The following ABI3BP variants were observed in gnomAD, a reference collection of about 807,000 sequenced individuals.
ABI3BP encodes target of Nesh-SH3.
In ABI3BP, 216 loss-of-function variants were observed where a neutral mutation model predicts 268.6. That is an observed-to-expected ratio of 0.80 (90% CI 0.72 to 0.90). The LOEUF is 0.90. ABI3BP is among the 40% of genes least tolerant of loss of function. The pLI, the probability that ABI3BP is intolerant of heterozygous loss-of-function variation, is 0.00. For missense variants in ABI3BP, 2,090 were observed against 2,182.4 expected (o/e 0.96, Z 0.84); for synonymous variants, 730 against 730.0 (o/e 1.00, Z 0.00).
In ABI3BP at chr3:100,891,978, C is replaced by T. The variant is rs574776070; in HGVS notation, c.462-5655G>A. ...CCAGCCTGAAGCTGAGAAATGGACA[C>T]GCTGCATTTTAAATCCCATTCCATT... On this transcript the variant is annotated intron_variant, in intron 4 of 67. Coordinates refer to ENST00000471714, the MANE Select transcript of ABI3BP (RefSeq NM_001375547.2). 6.6e-5 allele frequency among the ~76,000 whole-genome samples: 10 copies of T among 152,294 alleles called. No individual in the cohort carries two copies. In the East Asian group the frequency reaches 1.3e-3, roughly 21 times the overall value.
Position 100,752,864 on chromosome 3 carries a change from G to A in ABI3BP, c.5045C>T (p.Thr1682Ile). ...CACTCCTACAAATTTTTTATACCATGTCCTTTTGACATATTGTTTGCCCTT... is the reference window on the plus strand; with the variant it reads ...CACTCCTACAAATTTTTTATACCATATCCTTTTGACATATTGTTTGCCCTT... ...ECKGKQYVKR[T>I]WYKKFVGVQL... Residue 1682 changes from threonine to isoleucine, a missense_variant, in exon 66 of 68, where the codon ACA (threonine) becomes ATA (isoleucine). Transcript: ENST00000471714. 1.2e-6 allele frequency: 2 copies of A among 1,613,504 alleles called. No homozygotes were observed. Among genetic ancestry groups the A allele is most frequent in the Non-Finnish European group, 1.7e-6 (2 of 1,179,688 alleles).
At chr3:100,817,379 G>A (rs2098087726) in intron 42 of ABI3BP, 57 bp downstream of exon 42, 1 of 1,205,790 alleles carries the variant, frequency 8.3e-7, no homozygotes, top group Non-Finnish European at 1.1e-6. Flanking sequence ...TGATAATGAT[G>A]GAATGGATTT....
In ABI3BP at chr3:100,991,846, G is replaced by A. The variant is rs115041109; in HGVS notation, c.79+1460C>T. On this transcript the variant is annotated intron_variant, in intron 1 of 67. Coordinates refer to ENST00000471714, the MANE Select transcript of ABI3BP (RefSeq NM_001375547.2). ...GATTTGTGTCTAGTGATTGCAACAC[G>A]ATAATTAAAGCACTGGGATTGTCCA... 2.5e-3 allele frequency among the ~76,000 whole-genome samples: 375 copies of A among 152,082 alleles called. 1 individual carries two copies. Among genetic ancestry groups the A allele is most frequent in the Non-Finnish European group, 3.1e-3 (213 of 67,998 alleles).
chr3:100,893,120 G>T (rs930952126), intron 4 of ABI3BP, among the ~76,000 whole-genome samples: 3 of 152,176 alleles, frequency 2.0e-5, no homozygotes, highest in Non-Finnish European at 2.9e-5. Context: ...GAGTCTTCTA[G>T]CTTCCATCTT....
intron 44 of ABI3BP, among the ~76,000 whole-genome samples, chr3:100,814,693 C>G (rs2097964977): frequency 1.3e-5 from 2 of 152,062 alleles, no homozygotes; most frequent in South Asian, 4.1e-4. Context: ...GTTCCTTATT[C>G]CACCCCACTC....
chr3:100,921,957 A>G lies in ABI3BP; in HGVS notation c.259+4345T>C, dbSNP rs1272064927. On this transcript the variant is annotated intron_variant, in intron 2 of 67. Transcript: ENST00000471714. ...TGGTAAACATATCATTAAACAAATG[A>G]CATGTGTCAGACAAGGCTGTACTTA... Among the ~76,000 whole-genome samples the G allele has an allele frequency of 2.0e-5, 3 of 152,274 alleles. No individual in the cohort carries two copies. The East Asian group carries it at 5.8e-4, about 29-fold the overall frequency.
chr3:100,903,246 A>T (rs2051353046), intron 2 of ABI3BP, among the ~76,000 whole-genome samples: 1 of 152,220 alleles, frequency 6.6e-6, no homozygotes, highest in Admixed American at 6.5e-5. Context: ...CACAATTTAT[A>T]AGTTGGTATA....
chr3:100,870,730 A>G (rs186973399), intron 9 of ABI3BP, among the ~76,000 whole-genome samples: 1 of 152,330 alleles, frequency 6.6e-6, no homozygotes, highest in African/African-American at 2.4e-5. Flanking sequence ...AGCACCTCAT[A>G]GAGATACATA....
intron 6 of ABI3BP, among the ~76,000 whole-genome samples, chr3:100,882,445 A>AATAT (rs573846302): frequency 2.5e-4 from 37 of 145,438 alleles, no homozygotes; most frequent in African/African-American, 7.7e-4. Flanking sequence ...ATATATATAT[A>AATAT]ATATATATAT....
intron 6 of ABI3BP, among the ~76,000 whole-genome samples, chr3:100,883,705 C>T (rs1025047324): frequency 2.6e-5 from 4 of 151,960 alleles, no homozygotes; most frequent in African/African-American, 4.8e-5. Flanking sequence ...TACCACTTTT[C>T]GGGAAAGAAA....
chr3:100,916,030 G>T (rs1275712801), intron 2 of ABI3BP, among the ~76,000 whole-genome samples: 3 of 152,160 alleles, frequency 2.0e-5, no homozygotes, highest in Non-Finnish European at 4.4e-5. Context: ...ATTGCATGTA[G>T]TTTTTTCCTT....
In ABI3BP at chr3:100,822,684, A is replaced by G; in HGVS notation, c.2804-12T>C. Reference sequence around the variant, plus strand: ...TGATGTTTTGGAAGCTGAAGGAAGAAGTTCTTGGGTTACAACATAACTGCA... The same window carrying G: ...TGATGTTTTGGAAGCTGAAGGAAGAGGTTCTTGGGTTACAACATAACTGCA... On this transcript the variant is annotated splice_polypyrimidine_tract_variant and intron_variant, in intron 37 of 67. Transcript: ENST00000471714. The G allele has an allele frequency of 6.5e-7, 1 of 1,535,860 alleles. No individual in the cohort carries two copies. Among genetic ancestry groups the G allele is most frequent in the Admixed American group, 2.0e-5 (1 of 50,988 alleles).
chr3:100,890,289 T>C (rs1363029099), intron 4 of ABI3BP, among the ~76,000 whole-genome samples: 1 of 152,162 alleles, frequency 6.6e-6, no homozygotes, highest in African/African-American at 2.4e-5. Context: ...CCTGACACTG[T>C]CTTTGTCAGT....
At position 100,815,923 on chromosome 3, in the gene ABI3BP, C is replaced by T; in HGVS notation, c.3278G>A (p.Gly1093Glu). Reference sequence around the variant, plus strand: ...ACAAAAATCATTACCAAATGTTGTTCCTGGAGCATCAGTACTATGAACAAC... The same window carrying T: ...ACAAAAATCATTACCAAATGTTGTTTCTGGAGCATCAGTACTATGAACAAC... ...EPVVHSTDAPGTTFALTELQT... is the reference protein window; with the variant it reads ...EPVVHSTDAPETTFALTELQT... The change falls in exon 44 of 68, where the codon GGA becomes GAA. Residue 1093 changes from glycine to glutamate, a missense_variant. Physicochemically the swap from Gly to Glu is moderately conservative, Grantham distance 98. Transcript: ENST00000471714. 1.3e-6 allele frequency: 2 copies of T among 1,522,846 alleles called. No homozygotes were observed. Among genetic ancestry groups the T allele is most frequent in the Non-Finnish European group, 1.7e-6 (2 of 1,143,126 alleles). The allele number at this position is 1,522,846 out of a possible 1,614,324, so 94.3% of individuals were successfully genotyped here. A position where few individuals can be genotyped will look rare whatever the true frequency, so the allele number is the denominator to read the frequency against.
intron 63 of ABI3BP, among the ~76,000 whole-genome samples, chr3:100,764,214 CCTT>C (rs752678595): frequency 6.6e-5 from 10 of 152,326 alleles, no homozygotes; most frequent in South Asian, 4.1e-4. Context: ...CCAGGTGTCA[CCTT>C]CTTCAGGAAG....
chr3:100,918,313 C>T (rs1161405498), intron 2 of ABI3BP, among the ~76,000 whole-genome samples: 2 of 147,226 alleles, frequency 1.4e-5, no homozygotes, highest in Non-Finnish European at 3.0e-5. Flanking sequence ...CCCATCCACC[C>T]GTCCACCTGT....
chr3:100,973,981 G>A (rs1234109340), intron 1 of ABI3BP, among the ~76,000 whole-genome samples: 1 of 152,052 alleles, frequency 6.6e-6, no homozygotes, highest in Non-Finnish European at 1.5e-5. Flanking sequence ...CTAAGAAAAT[G>A]GATCATACAT....
intron 57 of ABI3BP, among the ~76,000 whole-genome samples, chr3:100,780,492 T>A (rs1368031433): frequency 1.3e-5 from 2 of 152,176 alleles, no homozygotes; most frequent in Non-Finnish European, 2.9e-5. Flanking sequence ...CTGGGTGGTA[T>A]TGCCTCACCA....
At chr3:100,794,360 G>T (rs140476821) in intron 54 of ABI3BP, among the ~76,000 whole-genome samples, 1 of 151,774 alleles carries the variant, frequency 6.6e-6, no homozygotes, top group Non-Finnish European at 1.5e-5. Context: ...ACAAGTAATA[G>T]AACTTACTTC....
Sources: allele counts gnomAD v4.1 joint callset (sites outside exome capture counted in the v4.1 genomes callset), GRCh38; gene constraint gnomAD v4.1.1; transcripts MANE v1.5; gene names NCBI Gene and HGNC (gene_info 2026-07-23, HGNC 2026-07-21).